ITIH2: variants seen among roughly 807,000 people sequenced by gnomAD.
ITIH2 encodes inter-alpha-trypsin inhibitor heavy chain H2.
A neutral mutation model predicts 104.4 loss-of-function variants in ITIH2; 103 were observed. That is an observed-to-expected ratio of 0.99 (90% CI 0.84 to 1.16). The LOEUF (loss-of-function observed/expected upper bound fraction) is 1.16. Among genes scored for constraint, ITIH2 ranks in the 50% most tolerant of loss-of-function variants. The pLI is 0.00. For synonymous variants in ITIH2, 436 were observed against 435.4 expected (o/e 1.00, Z -0.02); for missense variants, 1,108 against 1,162.4 (o/e 0.95, Z 0.68).
At position 7,735,007 on chromosome 10, in the gene ITIH2, C is replaced by G; in HGVS notation, c.1873C>G (p.Leu625Val). ...TCTAGACCACCACATTGTGACTCCG[C>G]TGACCTCGCTGGTGATCGAGAACGA... ...MSLDHHIVTP[L>V]TSLVIENEAG... is the part of the protein sequence containing the mutation. Residue 625 changes from leucine to valine, a missense_variant, in exon 15 of 21, where the codon CTG becomes GTG. Physicochemically the swap from Leu to Val is conservative, Grantham distance 32. Transcript: ENST00000358415. 6.2e-7 allele frequency: 1 copy of G among 1,613,798 alleles called. No homozygotes were observed. Among genetic ancestry groups the G allele is most frequent in the Non-Finnish European group, 8.5e-7 (1 of 1,180,010 alleles).
At chr10:7,736,934 G>A (rs1835060862) in intron 15 of ITIH2, among the ~76,000 whole-genome samples, 1 of 152,080 alleles carries the variant, frequency 6.6e-6, no homozygotes, top group Non-Finnish European at 1.5e-5. Flanking sequence ...GCCAAAACAT[G>A]CATACAGACC....
intron 16 of ITIH2, among the ~76,000 whole-genome samples, chr10:7,742,669 T>C (rs1835138130): frequency 6.6e-6 from 1 of 152,070 alleles, no homozygotes; most frequent in African/African-American, 2.4e-5. Context: ...ACTTGAGCCT[T>C]GGAGGTCAAG....
At chr10:7,742,790 C>T (rs561273176) in intron 16 of ITIH2, among the ~76,000 whole-genome samples, 4 of 152,252 alleles carry the variant, frequency 2.6e-5, no homozygotes, top group East Asian at 1.9e-4. Flanking sequence ...TATTCACACA[C>T]GTGTATGTAT....
chr10:7,704,193 G>A (rs1335231652), intron 1 of ITIH2, among the ~76,000 whole-genome samples: 2 of 152,204 alleles, frequency 1.3e-5, no homozygotes, highest in African/African-American at 2.4e-5. Flanking sequence ...CCAGAAAAGC[G>A]AAGCATGTTA....
intron 15 of ITIH2, among the ~76,000 whole-genome samples, chr10:7,737,406 CAT>C (rs375717121): frequency 0.048 from 5,855 of 121,540 alleles, 126 homozygotes; most frequent in Middle Eastern, 0.1. Context: ...GTATATATCT[CAT>C]ATATATATAT....
In ITIH2 at chr10:7,717,649, A is replaced by C; in HGVS notation, c.491A>C (p.Asn164Thr). Residue 164 changes from asparagine to threonine, a missense_variant, in exon 6 of 21, where the codon AAC (asparagine) becomes ACC (threonine). Physicochemically the swap from Asn to Thr is moderately conservative, Grantham distance 65. Coordinates refer to ENST00000358415, the MANE Select transcript of ITIH2 (RefSeq NM_002216.3). ...AGGAGCAGCGCTCTTGATATGGAAA[A>C]CTTCAGAACGGAAGTAAATGTCCTC... is the stretch of plus-strand genomic sequence containing the variant. The part of the protein sequence containing the change: ...LVRSSALDME[N>T]FRTEVNVLPG... The C allele has an allele frequency of 6.2e-7, 1 of 1,613,688 alleles. No individual in the cohort carries two copies. Among genetic ancestry groups the C allele is most frequent in the East Asian group, 2.2e-5 (1 of 44,860 alleles).
Position 7,710,649 on chromosome 10 carries a change from C to T in ITIH2, c.362+1458C>T, listed in dbSNP as rs141569741. On this transcript the variant is annotated intron_variant, in intron 4 of 20. Coordinates refer to ENST00000358415, the MANE Select transcript of ITIH2 (RefSeq NM_002216.3). ...AGGGTTCAACCACCATGTACTTTGG[C>T]TGCCGAAAGTGGCAGTCATGTGAAC... Among the ~76,000 whole-genome samples, 911 of 152,256 alleles carry T rather than the reference C, an allele frequency of 6.0e-3. 11 individuals carry two copies. The highest frequency in any genetic ancestry group is 0.011 in the South Asian group (53 of 4,824).
chr10:7,743,519 A>G (rs1187510903), intron 17 of ITIH2, among the ~76,000 whole-genome samples: 1 of 152,158 alleles, frequency 6.6e-6, no homozygotes, highest in Non-Finnish European at 1.5e-5. Flanking sequence ...TACACATGCA[A>G]TCCCAGCACT....
intron 15 of ITIH2, among the ~76,000 whole-genome samples, chr10:7,736,406 G>T (rs1835055842): frequency 6.6e-6 from 1 of 152,012 alleles, no homozygotes; most frequent in Non-Finnish European, 1.5e-5. Flanking sequence ...CTTTTTTCTA[G>T]TTGAACTTGT....
chr10:7,724,513 C>T (rs1045724687), intron 9 of ITIH2, among the ~76,000 whole-genome samples: 5 of 137,358 alleles, frequency 3.6e-5, no homozygotes, highest in East Asian at 2.3e-4. Flanking sequence ...GGAGTTGCAG[C>T]GAGCAGAGAT....
intron 15 of ITIH2, among the ~76,000 whole-genome samples, chr10:7,737,427 A>ATG: frequency 7.8e-6 from 1 of 128,958 alleles, no homozygotes; most frequent in South Asian, 2.3e-4. Flanking sequence ...ATATATATAT[A>ATG]CACGTGTATA....
intron 2 of ITIH2, among the ~76,000 whole-genome samples, 185 bp from the exon 3 acceptor site, chr10:7,707,016 G>A (rs1053387737): frequency 5.9e-5 from 9 of 152,158 alleles, no homozygotes; most frequent in African/African-American, 2.2e-4. Flanking sequence ...AACTTATTGA[G>A]AAACTCACCA....
intron 6 of ITIH2, among the ~76,000 whole-genome samples, chr10:7,720,623 G>A (rs1326054824): frequency 1.3e-5 from 2 of 152,162 alleles, no homozygotes; most frequent in African/African-American, 4.8e-5. Context: ...CGACTCCTGG[G>A]GGAGTGAGGC....
In ITIH2 at chr10:7,713,317, C is replaced by A. The variant is rs777492872; in HGVS notation, c.467+32C>A. On this transcript the variant is annotated intron_variant, in intron 5 of 20. Transcript: ENST00000358415. ...CCTGAGTGAGCAAGGCTTGCCCTTG[C>A]CTCTCAATGACGGTTTCCTCTCCTA... The A allele has an allele frequency of 5.9e-6, 9 of 1,531,844 alleles. No homozygotes were observed. In the South Asian group the frequency reaches 9.1e-5, roughly 15 times the overall value. The allele number at this position is 1,531,844 out of a possible 1,614,324, so 94.9% of individuals were successfully genotyped here.
chr10:7,728,584 C>T (rs1042934087), intron 11 of ITIH2, among the ~76,000 whole-genome samples: 5 of 151,048 alleles, frequency 3.3e-5, no homozygotes, highest in Non-Finnish European at 5.9e-5. Context: ...TTTGGAGAGA[C>T]GAAGTCTCAC....
In ITIH2 at chr10:7,738,925, G is replaced by A. The variant is rs189375572; in HGVS notation, c.2095+167G>A. Among the ~76,000 whole-genome samples the A allele has an allele frequency of 4.6e-3, 694 of 152,236 alleles. 2 individuals are homozygous for A. Among genetic ancestry groups the A allele is most frequent in the Non-Finnish European group, 6.3e-3 (428 of 68,004 alleles). On this transcript the variant is annotated intron_variant, in intron 16 of 20. Transcript: ENST00000358415. ...TTTCTATAGAAATACAGCTTATTTT[G>A]TTTGTTTTTAATCATGTATTTACAG... is the stretch of plus-strand genomic sequence containing the variant.
Position 7,738,704 on chromosome 10 carries a change from C to G in ITIH2, c.2041C>G (p.Leu681Val). The change falls in exon 16 of 21, where the codon CTG (leucine) becomes GTG (valine). Residue 681 changes from leucine to valine, a missense_variant. Physicochemically the swap from Leu to Val is conservative, Grantham distance 32. Coordinates refer to ENST00000358415, the MANE Select transcript of ITIH2 (RefSeq NM_002216.3). ...NPSPTPVISM[L>V]AQGSQVLEST... Reference sequence around the variant, plus strand: ...TTCACCAACGCCCGTGATCTCCATGCTGGCACAAGGATCTCAGGTGCTAGA... The same window carrying G: ...TTCACCAACGCCCGTGATCTCCATGGTGGCACAAGGATCTCAGGTGCTAGA... The G allele has an allele frequency of 6.2e-7, 1 of 1,613,748 alleles. No individual in the cohort carries two copies. The highest frequency in any genetic ancestry group is 8.5e-7 in the Non-Finnish European group (1 of 1,179,806).
chr10:7,724,839 C>G (rs1834938184), intron 9 of ITIH2, among the ~76,000 whole-genome samples: 1 of 152,106 alleles, frequency 6.6e-6, no homozygotes. Context: ...AATATAACGT[C>G]AGACATTGCC....
chr10:7,735,380 A>T (rs1203055702), intron 15 of ITIH2, among the ~76,000 whole-genome samples: 2 of 152,156 alleles, frequency 1.3e-5, no homozygotes, highest in African/African-American at 4.8e-5. Flanking sequence ...TGGGCAACAT[A>T]GCGAGACCCC....
Sources: gnomAD v4.1 joint callset for allele counts (sites outside exome capture counted in the v4.1 genomes callset) on GRCh38, gnomAD v4.1.1 for gene constraint, MANE v1.5 for transcripts, NCBI Gene and HGNC (gene_info 2026-07-23, HGNC 2026-07-21) for gene names.